CCDC82: variants seen among roughly 807,000 people sequenced by gnomAD.
CCDC82 encodes coiled-coil domain containing 82.
A neutral mutation model predicts 60.6 loss-of-function variants in CCDC82; 47 were observed. The ratio of observed to expected loss-of-function variants is 0.77; its 90% CI spans 0.61 to 0.99. The LOEUF is 0.99. CCDC82 is among the 50% of genes least tolerant of loss of function. The probability of loss-of-function intolerance (pLI) is 0.00; values close to 1 mark genes in which losing one functional copy is unlikely to be tolerated. For synonymous variants in CCDC82, 212 were observed against 207.4 expected, an observed-to-expected ratio of 1.02 and a Z score of -0.19; for missense variants, 588 against 633.0, an observed-to-expected ratio of 0.93 and a Z score of 0.76.
rs1866029351 is a variant in CCDC82 at position 96,383,981 on chromosome 11, C to G, written c.767G>C (p.Ser256Thr). The G allele has an allele frequency of 6.2e-7, 1 of 1,612,090 alleles. No individual in the cohort carries two copies. Among genetic ancestry groups the G allele is most frequent in the African/African-American group, 1.3e-5 (1 of 74,680 alleles). The change falls in exon 4 of 10, where the codon AGT becomes ACT. Residue 256 changes from serine to threonine, a missense_variant. Physicochemically the swap from Ser to Thr is moderately conservative, Grantham distance 58. Coordinates refer to ENST00000646818, the MANE Select transcript of CCDC82 (RefSeq NM_024725.4). ...ACACACCTCAAAATCTCTACCACTA[C>G]TGCGTCTCTGACGAGATCTTTGTTT... ...LSKQRSRQRRSSGRDFEDSEK... is the reference protein window; with the variant it reads ...LSKQRSRQRRTSGRDFEDSEK...
chr11:96,365,890 A>AT lies in CCDC82; in HGVS notation c.1210-741dup, dbSNP rs1446842003. Among the ~76,000 whole-genome samples, 87 of 152,236 alleles carry AT rather than the reference A, an allele frequency of 5.7e-4. 2 individuals are homozygous for AT. Among genetic ancestry groups the AT allele is most frequent in the Non-Finnish European group, 7.9e-4 (54 of 68,040 alleles). ...AATATTTGAACTGCACACAGTGAGC[A>AT]TATTAGCATGGTTACTAAACCACAT... On this transcript the variant is annotated intron_variant, in intron 7 of 9. Coordinates refer to ENST00000646818, the MANE Select transcript of CCDC82 (RefSeq NM_024725.4).
At chr11:96,361,895 G>A (rs1864680734) in intron 8 of CCDC82, among the ~76,000 whole-genome samples, 1 of 152,176 alleles carries the variant, frequency 6.6e-6, no homozygotes, top group Non-Finnish European at 1.5e-5. Context: ...AAAAATAGGT[G>A]CTGTGGTGAG....
Position 96,357,678 on chromosome 11 carries a change from A to G in CCDC82, c.1566+1315T>C, listed in dbSNP as rs1237238011. The G allele has an allele frequency of 1.7e-5, 17 of 984,898 alleles. No homozygotes were observed. In the South Asian group the frequency reaches 1.9e-4, roughly 11 times the overall value. The allele number at this position is 984,898 out of a possible 1,614,324, so 61.0% of individuals were successfully genotyped here. On this transcript the variant is annotated intron_variant, in intron 9 of 9. Transcript: ENST00000646818. ...TTCTATACCTAGTATCTAATTCTTT[A>G]TAACTGTGCTATCCCAATAGGTTTT... is the stretch of plus-strand genomic sequence containing the variant.
At chr11:96,357,464 A>G in intron 9 of CCDC82, 1 of 985,160 alleles carries the variant, frequency 1.0e-6, no homozygotes, top group Non-Finnish European at 1.2e-6. Flanking sequence ...TTTTCCTAAG[A>G]AAAGAATGCC....
intron 7 of CCDC82, 41 bp downstream of exon 7, chr11:96,370,972 C>A: frequency 1.4e-6 from 2 of 1,450,274 alleles, no homozygotes; most frequent in Admixed American, 2.5e-5. Context: ...AGGTTTGCTG[C>A]CCCCAACCCC....
At chr11:96,377,518 G>T (rs1748043426) in intron 5 of CCDC82, among the ~76,000 whole-genome samples, 1 of 152,106 alleles carries the variant, frequency 6.6e-6, no homozygotes, top group Non-Finnish European at 1.5e-5. Context: ...GTATGCTGTT[G>T]TCTCTTGGTT....
At chr11:96,385,504 A>G in intron 3 of CCDC82, 1 of 152,582 alleles carries the variant, frequency 6.6e-6, no homozygotes. Flanking sequence ...CAAATGACAT[A>G]AAGAAGACAG....
intron 2 of CCDC82, chr11:96,387,168 AT>A (rs1225242795): frequency 1.3e-5 from 2 of 152,266 alleles, no homozygotes; most frequent in Non-Finnish European, 2.9e-5. Context: ...ACAATGACAA[AT>A]ATGGTTGCAG....
At chr11:96,375,189 G>A (rs1865502126) in intron 5 of CCDC82, among the ~76,000 whole-genome samples, 2 of 152,136 alleles carry the variant, frequency 1.3e-5, no homozygotes, top group Admixed American at 1.3e-4. Context: ...GTGCACCTAA[G>A]TTTAACTATC....
rs1265458738 is a variant in CCDC82, at chr11:96,359,113, T to G, written c.1446A>C (p.Lys482Asn). 1 of 1,603,616 alleles carries G rather than the reference T, an allele frequency of 6.2e-7. No individual in the cohort carries two copies. The highest frequency in any genetic ancestry group is 8.5e-7 in the Non-Finnish European group (1 of 1,177,392). ...TRIYHKLKHF[K>N]FKLYQECCTI... ...TGCAACATTCCTGGTATAGTTTGAA[T>G]TTAAAATGTTTCAGTTTATGATAAA... is the stretch of plus-strand genomic sequence containing the variant. Residue 482 changes from lysine to asparagine, a missense_variant, in exon 9 of 10, where the codon AAA (lysine) becomes AAC (asparagine). By Grantham distance (94) the Lys-to-Asn change is moderately conservative. Transcript: ENST00000646818.
intron 7 of CCDC82, among the ~76,000 whole-genome samples, 155 bp downstream of exon 7, chr11:96,370,858 A>C (rs531802516): frequency 1.3e-5 from 2 of 152,354 alleles, no homozygotes; most frequent in African/African-American, 4.8e-5. Context: ...AAGGATTAAA[A>C]CAATAATAAC....
intron 5 of CCDC82, among the ~76,000 whole-genome samples, chr11:96,374,020 C>A (rs985800604): frequency 6.6e-6 from 1 of 152,242 alleles, no homozygotes; most frequent in African/African-American, 2.4e-5. Flanking sequence ...TTTAAGCCCA[C>A]TTCCTCGCTA....
At chr11:96,370,453 A>C (rs902961949) in intron 7 of CCDC82, among the ~76,000 whole-genome samples, 8 of 152,234 alleles carry the variant, frequency 5.3e-5, no homozygotes, top group African/African-American at 1.9e-4. Flanking sequence ...AGAATTAAGC[A>C]ATCTTAAAGC....
intron 5 of CCDC82, among the ~76,000 whole-genome samples, chr11:96,378,441 C>A (rs1052731703): frequency 3.9e-5 from 6 of 151,920 alleles, no homozygotes; most frequent in African/African-American, 9.7e-5. Flanking sequence ...TATCCTAGAA[C>A]AAGGGAAAGT....
chr11:96,357,812 TC>T, intron 9 of CCDC82: 5 of 985,368 alleles, frequency 5.1e-6, no homozygotes, highest in Non-Finnish European at 4.8e-6. Flanking sequence ...AAGTGCTCTC[TC>T]CTAAAGCAAA....
At chr11:96,360,690 T>C (rs1021550224) in intron 8 of CCDC82, among the ~76,000 whole-genome samples, 3 of 152,206 alleles carry the variant, frequency 2.0e-5, no homozygotes, top group African/African-American at 7.2e-5. Flanking sequence ...AGTTTTAATA[T>C]TTATCTATGC....
intron 7 of CCDC82, among the ~76,000 whole-genome samples, chr11:96,368,085 G>T (rs1362667462): frequency 6.6e-6 from 1 of 152,052 alleles, no homozygotes; most frequent in African/African-American, 2.4e-5. Context: ...CACCCAAAAT[G>T]CTGGGATTAC....
At chr11:96,369,109 C>T (rs1865117430) in intron 7 of CCDC82, among the ~76,000 whole-genome samples, 1 of 152,234 alleles carries the variant, frequency 6.6e-6, no homozygotes, top group Non-Finnish European at 1.5e-5. Context: ...TTCCTCACCT[C>T]ACTGAGCATT....
chr11:96,371,882 C>T (rs187777388), intron 6 of CCDC82, among the ~76,000 whole-genome samples: 44 of 152,262 alleles, frequency 2.9e-4, no homozygotes, highest in African/African-American at 5.1e-4. Flanking sequence ...TCTGATTTGG[C>T]TCATAGTATA....
Sources: allele counts gnomAD v4.1 joint callset (sites outside exome capture counted in the v4.1 genomes callset), GRCh38; gene constraint gnomAD v4.1.1; transcripts MANE v1.5; gene names NCBI Gene and HGNC (gene_info 2026-07-23, HGNC 2026-07-21).